Variants in PPFIA4 observed in about 807,000 individuals in gnomAD.
The protein encoded by PPFIA4 is PPFI scaffold protein A4.
In PPFIA4, 98 loss-of-function variants were observed where a neutral mutation model predicts 145.7. The observed-to-expected ratio is 0.67, with a 90% CI of 0.57 to 0.80. The LOEUF is 0.80. Ranked by LOEUF, PPFIA4 falls within the 30% of genes least tolerant of loss-of-function variation. The probability of loss-of-function intolerance (pLI) is 0.00; values close to 1 mark genes in which losing one functional copy is unlikely to be tolerated. For missense variants in PPFIA4, 1,457 were observed against 1,632.7 expected (o/e 0.89, Z 1.85); for synonymous variants, 628 against 649.6 (o/e 0.97, Z 0.51).
At chr1:203,045,644 T>C in intron 7 of PPFIA4, 85 bp downstream of exon 7, 2 of 1,464,730 alleles carry the variant, frequency 1.4e-6, no homozygotes, top group Admixed American at 2.2e-5. Flanking sequence ...GGCGTGAGAC[T>C]GAACACCTGC....
chr1:203,033,050 A>C (rs953740896), intron 1 of PPFIA4, among the ~76,000 whole-genome samples: 6 of 152,198 alleles, frequency 3.9e-5, no homozygotes, highest in Admixed American at 3.3e-4. Context: ...CCCCTGAATG[A>C]GCCTGGCATT....
In PPFIA4 at chr1:203,045,508, C is replaced by T; in HGVS notation, c.807C>T (p.Asp269=). 1 of 1,607,704 alleles carries T rather than the reference C, an allele frequency of 6.2e-7. No individual in the cohort carries two copies. Among genetic ancestry groups the T allele is most frequent in the Non-Finnish European group, 8.5e-7 (1 of 1,177,750 alleles). ...LEEDLGTARR[D]LIKSEELSSK... ...AGGACCTGGGCACGGCCCGCCGGGA[C>T]CTCATCAAGTCGGAGGAGCTGAGCA... Residue 269 remains aspartate, a synonymous_variant, in exon 7 of 30, where the codon GAC becomes GAT. Coordinates refer to ENST00000295706, the MANE Select transcript of PPFIA4 (RefSeq NM_001304331.2).
At chr1:203,067,129 C>T (rs1661775939) in intron 25 of PPFIA4, among the ~76,000 whole-genome samples, 1 of 152,238 alleles carries the variant, frequency 6.6e-6, no homozygotes, top group East Asian at 1.9e-4. Context: ...GAGGAGTGTT[C>T]CAGGCAGAGG....
In PPFIA4 at chr1:203,060,520, C is replaced by G. The variant is rs1661287973; in HGVS notation, c.2784+103C>G. 9 of 1,180,290 alleles carry G rather than the reference C, an allele frequency of 7.6e-6. No individual in the cohort carries two copies. The South Asian group carries it at 1.2e-4, about 16-fold the overall frequency. 73.1% of individuals were successfully genotyped at this position (1,180,290 alleles called of 1,614,324 possible). A position where few individuals can be genotyped will look rare whatever the true frequency, so the allele number is the denominator to read the frequency against. On this transcript the variant is annotated intron_variant, in intron 22 of 29. Coordinates refer to ENST00000295706, the MANE Select transcript of PPFIA4 (RefSeq NM_001304331.2). This position sits in a 1 kb window ranked among gnomAD's most constrained non-coding sequence, Gnocchi z 4.8. ...GGAAGATGGCAGCATTGAGCCCTGC[C>G]CCTTCCTTCCCATCCTCACAAAGGG...
In PPFIA4 at chr1:203,075,806, C is replaced by T. The variant is rs1288031855; in HGVS notation, c.3574+49C>T. 5 of 1,344,956 alleles carry T rather than the reference C, an allele frequency of 3.7e-6. No homozygotes were observed. Among genetic ancestry groups the T allele is most frequent in the Middle Eastern group, 2.3e-4 (1 of 4,330 alleles). The allele number at this position is 1,344,956 out of a possible 1,614,324, so 83.3% of individuals were successfully genotyped here. On this transcript the variant is annotated intron_variant, in intron 29 of 29. Transcript: ENST00000295706. This position sits in a 1 kb window ranked among gnomAD's most constrained non-coding sequence, Gnocchi z 4.1. ...TGGCCGAGGCCCAGCCGAGCGCGGGCTTCTTCCTGGCACCCCAGGGCCGGG... is the reference window on the plus strand; with the variant it reads ...TGGCCGAGGCCCAGCCGAGCGCGGGTTTCTTCCTGGCACCCCAGGGCCGGG...
At chr1:203,045,669 C>T (rs758802603) in intron 7 of PPFIA4, 110 bp downstream of exon 7, 31 of 1,451,344 alleles carry the variant, frequency 2.1e-5, no homozygotes, top group Non-Finnish European at 2.9e-5. Flanking sequence ...TTGCCTGGCT[C>T]CATTGTTGGG....
In PPFIA4 at chr1:203,039,240, C is replaced by A. The variant is rs1181247063; in HGVS notation, c.232C>A (p.Gln78Lys). ...LQRHLNSALP[Q>K]EFATLTRELS... is the part of the protein sequence containing the mutation. ...GCGCCACCTTAACTCCGCCCTCCCC[C>A]AGGTAAGGCCCGAAGGCCTGCGTCT... Residue 78 changes from glutamine to lysine, a missense_variant and splice_region_variant, in exon 2 of 30, where the codon CAG becomes AAG. Around this residue, in one of 3 missense-constraint regions of PPFIA4, gnomAD observed 463 missense variants for 459.8 expected, o/e 1.01. Transcript: ENST00000295706. The A allele has an allele frequency of 1.9e-6, 3 of 1,577,390 alleles. No homozygotes were observed. Among genetic ancestry groups the A allele is most frequent in the Admixed American group, 1.8e-5 (1 of 54,750 alleles).
Position 203,027,130 on chromosome 1 carries a change from C to G in PPFIA4, c.-400+501C>G, listed in dbSNP as rs77900126. ...GCTAGCTCTCCATTCCTCGAACTGC[C>G]AGCCTCAGTCTGTGCCAGAGATGCC... is the stretch of plus-strand genomic sequence containing the variant. On this transcript the variant is annotated intron_variant, in intron 1 of 29. Coordinates refer to ENST00000295706, the MANE Select transcript of PPFIA4 (RefSeq NM_001304331.2). Among the ~76,000 whole-genome samples, 10 of 152,292 alleles carry G rather than the reference C, an allele frequency of 6.6e-5. No individual in the cohort carries two copies. The East Asian group carries it at 1.9e-3, about 29-fold the overall frequency.
Position 203,075,478 on chromosome 1 carries a change from G to A in PPFIA4, c.3394-99G>A. 1 of 1,015,488 alleles carries A rather than the reference G, an allele frequency of 9.8e-7. No homozygotes were observed. The highest frequency in any genetic ancestry group is 1.3e-6 in the Non-Finnish European group (1 of 771,982). 62.9% of individuals were successfully genotyped at this position (1,015,488 alleles called of 1,614,324 possible). ...CCCTCTTTCCAAAGGGGTGGGAGTG[G>A]TGCCCCTTGAACCAGCAGCGACTGG... On this transcript the variant is annotated intron_variant, in intron 28 of 29. Coordinates refer to ENST00000295706, the MANE Select transcript of PPFIA4 (RefSeq NM_001304331.2). This position sits in a 1 kb window ranked among gnomAD's most constrained non-coding sequence, Gnocchi z 4.1.
At chr1:203,054,925 A>T (rs1424467678) in intron 15 of PPFIA4, among the ~76,000 whole-genome samples, 3 of 152,128 alleles carry the variant, frequency 2.0e-5, no homozygotes, top group African/African-American at 7.2e-5. Context: ...TGTGTGTGAG[A>T]GAGTGTGTGT....
In PPFIA4 at chr1:203,059,316, C is replaced by T. The variant is rs755202673; in HGVS notation, c.2501+45C>T. The stretch of plus-strand genomic sequence containing the variant: ...GTCTGCCAGGGTGGGGCCCAGCCCC[C>T]TACCCACTTCCCTTCCCCTGGGCTG... On this transcript the variant is annotated intron_variant, in intron 20 of 29. Transcript: ENST00000295706. The T allele has an allele frequency of 4.0e-5, 56 of 1,416,644 alleles. No individual in the cohort carries two copies. In the East Asian group the frequency reaches 1.3e-3, roughly 34 times the overall value. The allele number at this position is 1,416,644 out of a possible 1,614,324, so 87.8% of individuals were successfully genotyped here.
intron 1 of PPFIA4, among the ~76,000 whole-genome samples, chr1:203,031,883 G>C (rs1658855932): frequency 6.6e-6 from 1 of 152,206 alleles, no homozygotes; most frequent in Non-Finnish European, 1.5e-5. Flanking sequence ...AGCAAAAGCT[G>C]TGTCTGTATT....
At chr1:203,039,384 A>C in intron 2 of PPFIA4, 142 bp downstream of exon 2, 1 of 637,036 alleles carries the variant, frequency 1.6e-6, no homozygotes, top group South Asian at 2.3e-5. Flanking sequence ...TCATCTCTCT[A>C]CGTGAATTCT....
At chr1:203,073,104 C>T (rs778448018) in intron 28 of PPFIA4, among the ~76,000 whole-genome samples, 1 of 152,148 alleles carries the variant, frequency 6.6e-6, no homozygotes, top group Non-Finnish European at 1.5e-5. Context: ...TCTTTGAATG[C>T]CTGCCCTGTG....
Position 203,045,795 on chromosome 1 carries a change from G to A in PPFIA4, c.859-46G>A, listed in dbSNP as rs759376564. 3.1e-6 allele frequency: 5 copies of A among 1,611,972 alleles called. No individual in the cohort carries two copies. The South Asian group carries it at 5.5e-5, about 18-fold the overall frequency. ...GTGGGGAGGTGTAGACAGGATGGGG[G>A]CAAGGAAAGGCTGGTTACCGTCCTT... is the stretch of plus-strand genomic sequence containing the variant. On this transcript the variant is annotated intron_variant, in intron 7 of 29. Coordinates refer to ENST00000295706, the MANE Select transcript of PPFIA4 (RefSeq NM_001304331.2).
Position 203,060,853 on chromosome 1 carries a change from GC to G in PPFIA4, c.2785-112del, listed in dbSNP as rs749872113. Reference sequence around the variant, plus strand: ...TCGGCCATCTCCATGATTGAGACCAGCCCCCATTTCAGAGGACTCAGGGAGG... The same window carrying G: ...TCGGCCATCTCCATGATTGAGACCAGCCCCATTTCAGAGGACTCAGGGAGG... On this transcript the variant is annotated intron_variant, in intron 22 of 29. Coordinates refer to ENST00000295706, the MANE Select transcript of PPFIA4 (RefSeq NM_001304331.2). This position sits in a 1 kb window ranked among gnomAD's most constrained non-coding sequence, Gnocchi z 4.8. The G allele has an allele frequency of 2.3e-6, 2 of 874,826 alleles. No individual in the cohort carries two copies. Among genetic ancestry groups the G allele is most frequent in the Non-Finnish European group, 3.8e-6 (2 of 530,666 alleles). The allele number at this position is 874,826 out of a possible 1,614,324, so 54.2% of individuals were successfully genotyped here.
intron 28 of PPFIA4, among the ~76,000 whole-genome samples, chr1:203,074,366 A>G (rs1662373380): frequency 6.6e-6 from 1 of 152,300 alleles, no homozygotes; most frequent in African/African-American, 2.4e-5. Context: ...CAGTATTTGT[A>G]TATCTAAACA....
chr1:203,043,782 G>A lies in PPFIA4; in HGVS notation c.337-149G>A. ...TTGAGTAGTATCAGTTGGGGCGGGA[G>A]CTCTGTGCCCATTTGGAAGTATTTC... On this transcript the variant is annotated intron_variant, in intron 3 of 29. Transcript: ENST00000295706. This position sits in a 1 kb window ranked among gnomAD's most constrained non-coding sequence, Gnocchi z 4.4. The A allele has an allele frequency of 1.2e-6, 1 of 855,196 alleles. No individual in the cohort carries two copies. The highest frequency in any genetic ancestry group is 1.8e-6 in the Non-Finnish European group (1 of 569,054). 53.0% of individuals were successfully genotyped at this position (855,196 alleles called of 1,614,324 possible).
chr1:203,061,507 T>G (rs1661351892), intron 23 of PPFIA4, 145 bp from the exon 24 acceptor site: 1 of 812,738 alleles, frequency 1.2e-6, no homozygotes, highest in Non-Finnish European at 1.9e-6. Flanking sequence ...TTGTGTTCTC[T>G]CTTAACCATC....
Sources: gnomAD v4.1 joint callset for allele counts (sites outside exome capture counted in the v4.1 genomes callset) on GRCh38, gnomAD v4.1.1 for gene constraint, gnomAD v4.1.1 regional missense constraint, Gnocchi (gnomAD v3.1) non-coding constraint, MANE v1.5 for transcripts, NCBI Gene and HGNC (gene_info 2026-07-23, HGNC 2026-07-21) for gene names.